Variants in PDK1 observed in about 807,000 individuals in gnomAD.
The protein encoded by PDK1 is pyruvate dehydrogenase kinase 1.
PDK1 carries 39 observed loss-of-function variants against 54.2 expected under a neutral mutation model. The ratio of observed to expected loss-of-function variants is 0.72; its 90% CI spans 0.56 to 0.94. The LOEUF is 0.94. Among genes scored for constraint, PDK1 ranks in the 40% least tolerant of loss-of-function variants. The probability of loss-of-function intolerance (pLI) is 0.00; values close to 1 mark genes in which losing one functional copy is unlikely to be tolerated. For missense variants in PDK1, 552 were observed against 566.0 expected, an observed-to-expected ratio of 0.98 and a Z score of 0.25; for synonymous variants, 221 against 207.1, an observed-to-expected ratio of 1.07 and a Z score of -0.58.
the PDK1 span, among the ~76,000 whole-genome samples, chr2:172,640,610 A>C: frequency 2.0e-5 from 3 of 152,246 alleles, no homozygotes; most frequent in Non-Finnish European, 2.9e-5. Flanking sequence ...TTTTGCTTAA[A>C]TAACACAGGG....
rs561618075 is a variant in PDK1 at position 172,586,073 on chromosome 2, G to A, written c.946-205G>A. Among the ~76,000 whole-genome samples, 8 of 151,640 alleles carry A rather than the reference G, an allele frequency of 5.3e-5. No homozygotes were observed. In the South Asian group the frequency reaches 1.5e-3, roughly 28 times the overall value. On this transcript the variant is annotated intron_variant, in intron 8 of 10. Transcript: ENST00000282077. ...ACTCGGGAGGCTGAGGCAGGAGAAT[G>A]GCATGAACCCGGGAAGCAGAGGTTG...
chr2:172,610,420 G>T (rs190575002), downstream of PDK1, among the ~76,000 whole-genome samples: 1,818 of 149,714 alleles, frequency 0.012, 16 homozygotes, highest in Non-Finnish European at 0.018. Context: ...CCACCATGGT[G>T]GGGGGGCTCC....
At chr2:172,701,630 T>TG in the PDK1 span, among the ~76,000 whole-genome samples, 5 of 48,356 alleles carry the variant, frequency 1.0e-4, no homozygotes, top group South Asian at 1.3e-3. Context: ...TAGTTTATCC[T>TG]GTTTTTTTTT....
At chr2:172,585,278 C>T (rs1310624905) in intron 8 of PDK1, among the ~76,000 whole-genome samples, 10 of 148,808 alleles carry the variant, frequency 6.7e-5, no homozygotes, top group Non-Finnish European at 5.9e-5. Context: ...AGATCACAAG[C>T]GTGAATCACC....
chr2:172,654,219 C>G, the PDK1 span, among the ~76,000 whole-genome samples: 1 of 152,170 alleles, frequency 6.6e-6, no homozygotes. Flanking sequence ...GGCGATTCCT[C>G]AAGGATCTAG....
At chr2:172,660,142 G>T in the PDK1 span, among the ~76,000 whole-genome samples, 2,805 of 150,018 alleles carry the variant, frequency 0.019, 85 homozygotes, top group African/African-American at 0.065. Flanking sequence ...ATGGATCAGA[G>T]ATTCCAGGAT....
At chr2:172,638,574 T>C in the PDK1 span, among the ~76,000 whole-genome samples, 3 of 152,208 alleles carry the variant, frequency 2.0e-5, no homozygotes, top group Admixed American at 2.0e-4. Context: ...CTAGGAAATA[T>C]CTATACTTAA....
At chr2:172,659,855 T>C in the PDK1 span, among the ~76,000 whole-genome samples, 4 of 152,200 alleles carry the variant, frequency 2.6e-5, no homozygotes. Flanking sequence ...ATTGAAGGCT[T>C]TTTGTTAAGG....
chr2:172,668,842 T>TAC, the PDK1 span, among the ~76,000 whole-genome samples: 8 of 145,910 alleles, frequency 5.5e-5, no homozygotes, highest in East Asian at 2.0e-4. Context: ...TGTATGTATA[T>TAC]ACACACACAC....
At chr2:172,578,151 C>T (rs1330444831) in intron 8 of PDK1, among the ~76,000 whole-genome samples, 1 of 152,200 alleles carries the variant, frequency 6.6e-6, no homozygotes, top group Non-Finnish European at 1.5e-5. Flanking sequence ...TGTTATCTCA[C>T]TGCCTTCCAG....
Position 172,599,308 on chromosome 2 carries a change from A to G in PDK1, c.*3339A>G, listed in dbSNP as rs752173737. ...CAATTTCCCTTCATTGTTGAAGCCA[A>G]CAAGTTCCGTAACAGAACTCCAGAG... On this transcript the variant is annotated 3_prime_UTR_variant, in exon 11 of 11. Coordinates refer to ENST00000282077, the MANE Select transcript of PDK1 (RefSeq NM_002610.5). 5.3e-5 allele frequency: 8 copies of G among 152,216 alleles called. No individual in the cohort carries two copies. Among genetic ancestry groups the G allele is most frequent in the Non-Finnish European group, 1.0e-4 (7 of 68,024 alleles). The allele number at this position is 152,216 out of a possible 1,614,324, so 9.4% of individuals were successfully genotyped here.
intron 8 of PDK1, 127 bp from the exon 9 acceptor site, chr2:172,586,149 ACT>A: frequency 5.8e-6 from 3 of 514,922 alleles, no homozygotes; most frequent in South Asian, 2.1e-5. Context: ...ACAAAGCGAG[ACT>A]CTGTCTCAAA....
chr2:172,630,261 G>A, the PDK1 span, among the ~76,000 whole-genome samples: 1 of 152,094 alleles, frequency 6.6e-6, no homozygotes, highest in Admixed American at 6.6e-5. Flanking sequence ...TTATATTCTT[G>A]ACCTATTTTT....
intron 8 of PDK1, among the ~76,000 whole-genome samples, chr2:172,579,525 C>CTTTTTTTTTTTTTTTT (rs10660737): frequency 8.2e-6 from 1 of 122,560 alleles, no homozygotes; most frequent in African/African-American, 3.1e-5. Flanking sequence ...CCCGCTCTTT[C>CTTTTTTTTTTTTTTTT]TTTTTTTTTT....
chr2:172,625,508 G>A, the PDK1 span, among the ~76,000 whole-genome samples: 1 of 152,074 alleles, frequency 6.6e-6, no homozygotes, highest in Admixed American at 6.6e-5. Flanking sequence ...GCTAGTCCCT[G>A]CTATACCTCT....
the PDK1 span, among the ~76,000 whole-genome samples, chr2:172,682,262 G>A: frequency 6.6e-6 from 1 of 152,224 alleles, no homozygotes; most frequent in African/African-American, 2.4e-5. Context: ...AGAGAGAGCA[G>A]GGGGAGAATA....
the PDK1 span, chr2:172,723,472 T>C: frequency 6.6e-6 from 1 of 152,196 alleles, no homozygotes; most frequent in Non-Finnish European, 1.5e-5. Context: ...TAATTTCTAA[T>C]CTTGAGGAAA....
chr2:172,576,876 T>A (rs543327507), intron 8 of PDK1, among the ~76,000 whole-genome samples: 7 of 152,342 alleles, frequency 4.6e-5, no homozygotes, highest in African/African-American at 1.7e-4. Context: ...CAGCCTAACA[T>A]AGGGTCTGTC....
chr2:172,717,643 C>T, the PDK1 span, among the ~76,000 whole-genome samples: 1 of 152,130 alleles, frequency 6.6e-6, no homozygotes, highest in East Asian at 1.9e-4. Flanking sequence ...CTCCTGGGTT[C>T]AAGCGATTCT....
Sources: gnomAD v4.1 joint callset for allele counts (sites outside exome capture counted in the v4.1 genomes callset) on GRCh38, gnomAD v4.1.1 for gene constraint, MANE v1.5 for transcripts, NCBI Gene and HGNC (gene_info 2026-07-23, HGNC 2026-07-21) for gene names.